Variants in PPP2R2B observed in about 807,000 individuals in gnomAD.
The protein encoded by PPP2R2B is serine/threonine-protein phosphatase 2A 55 kDa regulatory subunit B beta isoform.
In PPP2R2B, 5 loss-of-function variants were observed where a neutral mutation model predicts 46.0. That is an observed-to-expected ratio of 0.11 (90% confidence interval 0.06 to 0.23). PPP2R2B has a LOEUF of 0.23. Among genes scored for constraint, PPP2R2B ranks in the 10% least tolerant of loss-of-function variants. The pLI is 1.00. For synonymous variants in PPP2R2B, 215 were observed against 206.7 expected, an observed-to-expected ratio of 1.04 and a Z score of -0.34; for missense variants, 367 against 575.0, an observed-to-expected ratio of 0.64 and a Z score of 3.70.
chr5:146,837,514 AG>A (rs750039225), intron 2 of PPP2R2B, among the ~76,000 whole-genome samples: 14 of 152,362 alleles, frequency 9.2e-5, no homozygotes, highest in Middle Eastern at 3.4e-3. Flanking sequence ...GTGCTGGGAC[AG>A]CACTGTTCAA....
chr5:147,056,254 C>A (rs975642961), upstream of PPP2R2B: 7 of 302,386 alleles, frequency 2.3e-5, no homozygotes, highest in Non-Finnish European at 3.4e-5. Flanking sequence ...ACCCGTAATG[C>A]CATGGATCTC....
At chr5:146,681,232 G>C (rs1778149860) in intron 5 of PPP2R2B, among the ~76,000 whole-genome samples, 1 of 152,138 alleles carries the variant, frequency 6.6e-6, no homozygotes, top group Non-Finnish European at 1.5e-5. Context: ...TTAGTTCTTT[G>C]CATAACCTAG....
At chr5:146,966,471 G>A (rs75228899) in intron 1 of PPP2R2B, among the ~76,000 whole-genome samples, 2,212 of 152,250 alleles carry the variant, frequency 0.015, 42 homozygotes, top group African/African-American at 0.05. Flanking sequence ...CTTACACTGC[G>A]GCTATGTGAG....
intron 1 of PPP2R2B, among the ~76,000 whole-genome samples, chr5:146,985,970 G>A (rs777301722): frequency 2.0e-5 from 3 of 152,116 alleles, no homozygotes; most frequent in Non-Finnish European, 4.4e-5. Flanking sequence ...GAGCAAGATG[G>A]CATAATAGAA....
At chr5:146,759,838 A>C (rs545112820) in intron 2 of PPP2R2B, among the ~76,000 whole-genome samples, 1 of 151,434 alleles carries the variant, frequency 6.6e-6, no homozygotes, top group South Asian at 2.1e-4. Flanking sequence ...ATATTAATTT[A>C]TATAAAAGAG....
At chr5:146,602,420 C>T (rs1229210754) in intron 7 of PPP2R2B, among the ~76,000 whole-genome samples, 5 of 152,108 alleles carry the variant, frequency 3.3e-5, no homozygotes, top group Non-Finnish European at 7.4e-5. Context: ...TAGTATTCAG[C>T]TGAAACATAT....
chr5:146,698,318 ATATATATATAT>A (rs1259863840), intron 3 of PPP2R2B, among the ~76,000 whole-genome samples, 174 bp from the exon 4 acceptor site: 10 of 55,698 alleles, frequency 1.8e-4, no homozygotes, highest in East Asian at 1.5e-3. Flanking sequence ...AAAAAAAAAA[ATATATATATAT>A]ATATATATAT....
At position 146,745,389 on chromosome 5, in the gene PPP2R2B, AAAG is replaced by A. The variant is rs1046483025; in HGVS notation, c.71-44250_71-44248del. Among the ~76,000 whole-genome samples, 6 of 140,136 alleles carry A rather than the reference AAAG, an allele frequency of 4.3e-5. No homozygotes were observed. The South Asian group carries it at 8.4e-4, about 20-fold the overall frequency. The allele number at this position is 140,136 out of a possible 152,430, so 91.9% of individuals were successfully genotyped here. On this transcript the variant is annotated intron_variant, in intron 2 of 9. Coordinates refer to ENST00000394411, the MANE Select transcript of PPP2R2B (RefSeq NM_181675.4). ...ATTTTTGGCCATAAAAATGGGATCTAAAGAAGATCTGATTTGCAGGGTTGTTAT... is the reference window on the plus strand; with the variant it reads ...ATTTTTGGCCATAAAAATGGGATCTAAAGATCTGATTTGCAGGGTTGTTAT...
intron 2 of PPP2R2B, among the ~76,000 whole-genome samples, chr5:146,723,561 T>G (rs1037721097): frequency 1.3e-5 from 2 of 152,192 alleles, no homozygotes; most frequent in African/African-American, 4.8e-5. Context: ...ATGCTCGTTA[T>G]TGTGAGTAAT....
chr5:147,019,116 C>G (rs920316803), intron 1 of PPP2R2B, among the ~76,000 whole-genome samples: 1 of 152,080 alleles, frequency 6.6e-6, no homozygotes, highest in African/African-American at 2.4e-5. Flanking sequence ...AAATCTGGCA[C>G]TTAGTTAGAA....
At chr5:147,026,743 A>G (rs1264073778) in intron 1 of PPP2R2B, among the ~76,000 whole-genome samples, 1 of 152,228 alleles carries the variant, frequency 6.6e-6, no homozygotes, top group Non-Finnish European at 1.5e-5. Flanking sequence ...AATTAAAACC[A>G]TGAGAAGATA....
chr5:146,861,732 G>C (rs1761014240), intron 2 of PPP2R2B, among the ~76,000 whole-genome samples: 1 of 151,938 alleles, frequency 6.6e-6, no homozygotes, highest in Non-Finnish European at 1.5e-5. Flanking sequence ...ATATATTTTT[G>C]TTGCCATTTT....
Position 146,638,395 on chromosome 5 carries a change from C to T in PPP2R2B, c.646G>A (p.Ala216Thr). 1 of 1,610,728 alleles carries T rather than the reference C, an allele frequency of 6.2e-7. No homozygotes were observed. The highest frequency in any genetic ancestry group is 8.5e-7 in the Non-Finnish European group (1 of 1,177,394). ...ACCTCCGTGAGCTCCTCCATGTTGG[C>T]TGGCTTAATGTCCACAATATCTGGC... is the stretch of plus-strand genomic sequence containing the variant. ...QSFNIVDIKPANMEELTEVIT... is the reference protein window; with the variant it reads ...QSFNIVDIKPTNMEELTEVIT... Residue 216 changes from alanine (A) to threonine (T), a missense_variant, in exon 7 of 10, where the codon GCC becomes ACC. Physicochemically the swap from Ala to Thr is moderately conservative, Grantham distance 58. This residue lies in a region of PPP2R2B where 361 missense variants were observed against 545.5 expected (regional missense o/e 0.66). Transcript: ENST00000394411.
At chr5:146,958,033 G>A (rs1751994352) in intron 1 of PPP2R2B, among the ~76,000 whole-genome samples, 1 of 152,090 alleles carries the variant, frequency 6.6e-6, no homozygotes, top group Non-Finnish European at 1.5e-5. Flanking sequence ...GAAAATCTGA[G>A]TTGGAGGAGG....
chr5:146,861,221 A>G (rs141220932), intron 2 of PPP2R2B, among the ~76,000 whole-genome samples: 2,798 of 151,676 alleles, frequency 0.018, 95 homozygotes, highest in African/African-American at 0.064. Context: ...ACGCCCGGCT[A>G]ATTTTTTTGT....
rs201034186 is a variant in PPP2R2B at position 147,073,636 on chromosome 5, A to C, written c.50+7423T>G. On this transcript the variant is annotated intron_variant, in intron 2 of 10. Coordinates refer to the PPP2R2B transcript ENST00000394413. ...TGGCATTCTGGTTTCCTTTAAATGC[A>C]CTCAAAACACCTTCAGATTTTCTAT... Among the ~76,000 whole-genome samples, 11 of 152,298 alleles carry C rather than the reference A, an allele frequency of 7.2e-5. No individual in the cohort carries two copies. In the East Asian group the frequency reaches 2.1e-3, roughly 29 times the overall value.
upstream of PPP2R2B, chr5:147,056,111 T>C: frequency 9.5e-7 from 1 of 1,052,498 alleles, no homozygotes; most frequent in South Asian, 3.6e-5. Flanking sequence ...GAGTTTCTCT[T>C]TTCGCAAGAG....
At chr5:146,940,644 C>T (rs1005549727) in intron 1 of PPP2R2B, among the ~76,000 whole-genome samples, 1 of 152,122 alleles carries the variant, frequency 6.6e-6, no homozygotes, top group Non-Finnish European at 1.5e-5. Flanking sequence ...AATCCCTTTT[C>T]CTTTTCTTCG....
In PPP2R2B at chr5:146,878,157, G is replaced by C. The variant is rs774749298; in HGVS notation, c.-86C>G. 13 of 1,607,218 alleles carry C rather than the reference G, an allele frequency of 8.1e-6. No individual in the cohort carries two copies. Among genetic ancestry groups the C allele is most frequent in the African/African-American group, 8.0e-5 (6 of 74,788 alleles). The stretch of plus-strand genomic sequence containing the variant: ...CCCGCAGCCAGTCTCACAGGAGAGG[G>C]GGGCAGGGGAGCCAGTGGGACTGCA... On this transcript the variant is annotated 5_prime_UTR_variant, in exon 2 of 10. Coordinates refer to ENST00000394411, the MANE Select transcript of PPP2R2B (RefSeq NM_181675.4). The surrounding 1 kb of genome is among the most constrained non-coding windows in gnomAD (Gnocchi z 4.5).
Sources: allele counts gnomAD v4.1 joint callset (sites outside exome capture counted in the v4.1 genomes callset), GRCh38; gene constraint gnomAD v4.1.1; regional missense constraint gnomAD v4.1.1; non-coding constraint Gnocchi (gnomAD v3.1); transcripts MANE v1.5; gene names NCBI Gene and HGNC (gene_info 2026-07-23, HGNC 2026-07-21).